HECW1: variants seen among roughly 807,000 people sequenced by gnomAD.
The protein encoded by HECW1 is E3 ubiquitin-protein ligase HECW1.
A neutral mutation model predicts 182.3 loss-of-function variants in HECW1; 61 were observed. That is an observed-to-expected ratio of 0.33 (90% CI 0.27 to 0.41). The LOEUF is 0.41. Ranked by LOEUF, HECW1 falls within the 10% of genes least tolerant of loss-of-function variation. The pLI is 1.00. For missense variants in HECW1, 1,739 were observed against 2,108.9 expected (o/e 0.82, Z 3.44); for synonymous variants, 859 against 832.6 (o/e 1.03, Z -0.55).
At chr7:43,118,174 C>T (rs900692377) in intron 2 of HECW1, 4 of 152,362 alleles carry the variant, frequency 2.6e-5, no homozygotes, top group Admixed American at 2.6e-4. Flanking sequence ...TTCCATTTCA[C>T]ACTTTCTAGA....
At chr7:43,415,617 A>C (rs1250575570) in intron 8 of HECW1, among the ~76,000 whole-genome samples, 8 of 149,892 alleles carry the variant, frequency 5.3e-5, no homozygotes, top group Non-Finnish European at 1.0e-4. Flanking sequence ...AATATCCTGC[A>C]GAGCGTTTTC....
At chr7:43,487,050 C>T (rs938098702) in intron 17 of HECW1, among the ~76,000 whole-genome samples, 8 of 152,184 alleles carry the variant, frequency 5.3e-5, no homozygotes, top group Non-Finnish European at 1.2e-4. Context: ...ATAATTCTGA[C>T]AACTTTGTTA....
intron 2 of HECW1, among the ~76,000 whole-genome samples, chr7:43,176,820 G>C (rs1792300529): frequency 6.6e-6 from 1 of 152,150 alleles, no homozygotes; most frequent in African/African-American, 2.4e-5. Context: ...TGATGTTCTA[G>C]AATAGGGGCT....
chr7:43,180,468 T>C (rs1397809003), intron 2 of HECW1, among the ~76,000 whole-genome samples: 1 of 152,204 alleles, frequency 6.6e-6, no homozygotes, highest in Non-Finnish European at 1.5e-5. Context: ...CGATCTCGGC[T>C]CACTGCAAGC....
At chr7:43,194,384 G>A (rs532566782) in intron 2 of HECW1, 1 of 152,094 alleles carries the variant, frequency 6.6e-6, no homozygotes, top group Admixed American at 6.6e-5. Context: ...TTCATTCTCT[G>A]ATCAGTTCAG....
intron 13 of HECW1, among the ~76,000 whole-genome samples, chr7:43,458,847 G>C (rs939400763): frequency 1.3e-5 from 2 of 152,228 alleles, no homozygotes; most frequent in Non-Finnish European, 2.9e-5. Context: ...CCATGTGGAA[G>C]TATTATTCAG....
At position 43,304,008 on chromosome 7, in the gene HECW1, A is replaced by T. The variant is rs80197238; in HGVS notation, c.28-7755A>T. ...GACAGGTGATGAAGGCAATTCCCAG[A>T]GAGGTGGAGCCCTTCTTTTTAGCCT... On this transcript the variant is annotated intron_variant, in intron 3 of 29. Coordinates refer to ENST00000395891, the MANE Select transcript of HECW1 (RefSeq NM_015052.5). 3.2e-3 allele frequency among the ~76,000 whole-genome samples: 489 copies of T among 152,276 alleles called. 3 individuals carry two copies. The highest frequency in any genetic ancestry group is 0.012 in the African/African-American group (478 of 41,550).
Position 43,152,768 on chromosome 7 carries a change from C to T in HECW1, c.-32+38377C>T, listed in dbSNP as rs139763375. On this transcript the variant is annotated intron_variant, in intron 2 of 29. Coordinates refer to ENST00000395891, the MANE Select transcript of HECW1 (RefSeq NM_015052.5). ...TCAATTGGTGGAGCTCACTTCATTC[C>T]GGGGGCCCTCGGGTCTTCATATCTG... Among the ~76,000 whole-genome samples the T allele has an allele frequency of 6.3e-3, 964 of 152,204 alleles. 8 individuals carry two copies. The highest frequency in any genetic ancestry group is 0.01 in the Middle Eastern group (3 of 292).
chr7:43,233,127 C>T (rs1191440581), intron 2 of HECW1, among the ~76,000 whole-genome samples: 2 of 152,072 alleles, frequency 1.3e-5, no homozygotes, highest in Non-Finnish European at 2.9e-5. Context: ...TCTCCCAGAA[C>T]CTCTATTTCT....
intron 2 of HECW1, among the ~76,000 whole-genome samples, chr7:43,202,469 C>G (rs1040121773): frequency 6.6e-6 from 1 of 151,022 alleles, no homozygotes; most frequent in Non-Finnish European, 1.5e-5. Flanking sequence ...TAAAATTTTT[C>G]TCCTTGCCTT....
chr7:43,444,684 G>A lies in HECW1; in HGVS notation c.1512G>A (p.Lys504=). 3 of 1,606,336 alleles carry A rather than the reference G, an allele frequency of 1.9e-6. No individual in the cohort carries two copies. The highest frequency in any genetic ancestry group is 2.2e-5 in the South Asian group (2 of 90,074). ...GGGCTGGAAGGGAAGAAGAGGAGAA[G>A]GAGCAGGAGGAGGAGGGAGATGTGT... ...QSRAGREEEE[K]EQEEEGDVST... Residue 504 remains lysine, a synonymous_variant, in exon 11 of 30, where the codon AAG becomes AAA. Transcript: ENST00000395891. This position sits in a 1 kb window ranked among gnomAD's most constrained non-coding sequence, Gnocchi z 4.3.
intron 2 of HECW1, among the ~76,000 whole-genome samples, chr7:43,225,992 C>T (rs776864224): frequency 1.2e-4 from 18 of 152,074 alleles, no homozygotes; most frequent in African/African-American, 4.1e-4. Context: ...AGGCTGGTCT[C>T]GATCTCCTGG....
chr7:43,542,404 A>T (rs1489144500), intron 26 of HECW1, among the ~76,000 whole-genome samples: 1 of 151,940 alleles, frequency 6.6e-6, no homozygotes, highest in East Asian at 1.9e-4. Context: ...ATATTTCATT[A>T]TGTAGATATA....
At chr7:43,498,213 C>G (rs17802356) in intron 19 of HECW1, among the ~76,000 whole-genome samples, 1 of 152,112 alleles carries the variant, frequency 6.6e-6, no homozygotes. Context: ...TCGGGCTTAG[C>G]ATTCAGACAC....
At chr7:43,134,254 C>T (rs187055255) in intron 2 of HECW1, among the ~76,000 whole-genome samples, 21 of 151,682 alleles carry the variant, frequency 1.4e-4, no homozygotes, top group African/African-American at 4.4e-4. Flanking sequence ...AGTAGCCGGG[C>T]GTGGTGGTGC....
At chr7:43,249,330 C>T (rs1011904355) in intron 3 of HECW1, 4 of 152,494 alleles carry the variant, frequency 2.6e-5, no homozygotes, top group African/African-American at 4.8e-5. Context: ...AGGACCACGC[C>T]GTGCGGGCTG....
chr7:43,263,426 T>G (rs1222102757), intron 3 of HECW1, among the ~76,000 whole-genome samples: 1 of 152,216 alleles, frequency 6.6e-6, no homozygotes, highest in Non-Finnish European at 1.5e-5. Context: ...AATGGTGCCA[T>G]CTTGGCTCAC....
intron 7 of HECW1, among the ~76,000 whole-genome samples, chr7:43,400,560 C>A (rs2075372450): frequency 6.6e-6 from 1 of 152,136 alleles, no homozygotes; most frequent in African/African-American, 2.4e-5. Flanking sequence ...CAGATACCTA[C>A]TAAAGAGAAG....
chr7:43,281,729 T>C (rs1803944230), intron 3 of HECW1, among the ~76,000 whole-genome samples: 1 of 147,476 alleles, frequency 6.8e-6, no homozygotes, highest in Non-Finnish European at 1.5e-5. Context: ...TTTTTTTTTT[T>C]TTTTTTTTTT....
Sources: allele counts gnomAD v4.1 joint callset (sites outside exome capture counted in the v4.1 genomes callset), GRCh38; gene constraint gnomAD v4.1.1; non-coding constraint Gnocchi (gnomAD v3.1); transcripts MANE v1.5; gene names NCBI Gene and HGNC (gene_info 2026-07-23, HGNC 2026-07-21).